CSMD3: variants seen among roughly 807,000 people sequenced by gnomAD.
CSMD3 encodes CUB and sushi domain-containing protein 3.
In CSMD3, 177 loss-of-function variants were observed where a neutral mutation model predicts 435.2. The observed-to-expected ratio is 0.41, with a 90% CI of 0.36 to 0.46. The LOEUF (loss-of-function observed/expected upper bound fraction) is 0.46. CSMD3 is among the 20% of genes least tolerant of loss of function. The pLI is 0.34. For missense variants in CSMD3, 4,265 were observed against 4,504.6 expected (o/e 0.95, Z 1.52); for synonymous variants, 1,656 against 1,520.5 (o/e 1.09, Z -2.07).
chr8:112,953,869 A>G (rs971555463), intron 8 of CSMD3, among the ~76,000 whole-genome samples: 3 of 151,544 alleles, frequency 2.0e-5, no homozygotes, highest in Admixed American at 2.0e-4. Flanking sequence ...AAGTAACAAC[A>G]TGTATGAAAT....
intron 16 of CSMD3, among the ~76,000 whole-genome samples, chr8:112,673,223 G>A (rs905454952): frequency 1.3e-5 from 2 of 151,256 alleles, no homozygotes; most frequent in Admixed American, 6.6e-5. Context: ...TAATCACCAG[G>A]TCTCTCAAAC....
intron 32 of CSMD3, among the ~76,000 whole-genome samples, chr8:112,468,016 A>T (rs955513492): frequency 3.9e-5 from 6 of 152,176 alleles, no homozygotes; most frequent in Non-Finnish European, 8.8e-5. Context: ...CCTCTTTTAC[A>T]GATAATTCCT....
intron 4 of CSMD3, among the ~76,000 whole-genome samples, chr8:113,171,208 C>A (rs1295089304): frequency 6.6e-6 from 1 of 151,902 alleles, no homozygotes; most frequent in Non-Finnish European, 1.5e-5. Flanking sequence ...TTTATGAATG[C>A]TATTACATTA....
At chr8:112,548,601 T>C (rs758535708) in intron 27 of CSMD3, among the ~76,000 whole-genome samples, 4 of 152,150 alleles carry the variant, frequency 2.6e-5, no homozygotes, top group Non-Finnish European at 4.4e-5. Context: ...TAACCATATC[T>C]TATATGGCTT....
At chr8:112,442,882 G>A (rs1815188133) in intron 32 of CSMD3, among the ~76,000 whole-genome samples, 1 of 152,156 alleles carries the variant, frequency 6.6e-6, no homozygotes, top group East Asian at 1.9e-4. Flanking sequence ...CAACAGCCTG[G>A]CCTAAGGGAT....
At chr8:112,539,110 C>T (rs532347106) in intron 27 of CSMD3, 3 of 154,466 alleles carry the variant, frequency 1.9e-5, no homozygotes, top group African/African-American at 7.2e-5. Flanking sequence ...AATTCATCAT[C>T]CTTTTTAGAA....
intron 10 of CSMD3, among the ~76,000 whole-genome samples, chr8:112,911,641 A>ATGTGTG (rs10609412): frequency 3.4e-5 from 5 of 147,020 alleles, no homozygotes; most frequent in African/African-American, 5.0e-5. Flanking sequence ...GTACATATAT[A>ATGTGTG]TGTGTGTGTG....
At chr8:113,421,574 G>C (rs1052999665) in intron 1 of CSMD3, among the ~76,000 whole-genome samples, 2 of 152,020 alleles carry the variant, frequency 1.3e-5, no homozygotes, top group Admixed American at 6.6e-5. Flanking sequence ...CTCAGAAAAC[G>C]ATACCCTGAA....
intron 7 of CSMD3, 100 bp from the exon 8 acceptor site, chr8:112,954,861 G>A: frequency 2.7e-6 from 2 of 748,056 alleles, no homozygotes; most frequent in South Asian, 3.0e-5. Flanking sequence ...GCAAGATAAA[G>A]AAACCACTTT....
At chr8:113,122,565 A>G (rs112214122) in intron 4 of CSMD3, among the ~76,000 whole-genome samples, 2 of 152,240 alleles carry the variant, frequency 1.3e-5, no homozygotes, top group African/African-American at 4.8e-5. Context: ...AATCACATGA[A>G]TCCTTAAATT....
intron 11 of CSMD3, among the ~76,000 whole-genome samples, chr8:112,858,663 C>A (rs1587494829): frequency 6.6e-6 from 1 of 151,826 alleles, no homozygotes. Context: ...GGCAATTCAA[C>A]TTTTTGAAAT....
chr8:112,305,664 A>G (rs553473901), intron 51 of CSMD3, among the ~76,000 whole-genome samples: 111 of 152,274 alleles, frequency 7.3e-4, no homozygotes, highest in African/African-American at 2.6e-3. Context: ...ATATGTCAAA[A>G]TATAATTTTA....
Position 112,271,998 on chromosome 8 carries a change from A to C in CSMD3, c.9509-6408T>G, listed in dbSNP as rs1817571109. ...GTGTGGGAGGGAACTATTAATAGCT[A>C]GGCCCCTTTTTGCTCTTTCACCTTC... On this transcript the variant is annotated intron_variant, in intron 59 of 70. Coordinates refer to ENST00000297405, the MANE Select transcript of CSMD3 (RefSeq NM_198123.2). Among the ~76,000 whole-genome samples the C allele has an allele frequency of 2.0e-5, 3 of 152,290 alleles. No individual in the cohort carries two copies. The South Asian group carries it at 6.2e-4, about 32-fold the overall frequency.
intron 4 of CSMD3, among the ~76,000 whole-genome samples, chr8:113,103,675 ATAT>A (rs1243600520): frequency 6.6e-6 from 1 of 152,034 alleles, no homozygotes; most frequent in Non-Finnish European, 1.5e-5. Flanking sequence ...ATTGTTTAAA[ATAT>A]TATAATATAA....
In CSMD3 at chr8:113,006,371, T is replaced by C. The variant is rs545667191; in HGVS notation, c.1030+12696A>G. Among the ~76,000 whole-genome samples the C allele has an allele frequency of 1.3e-3, 202 of 152,132 alleles. 2 individuals carry two copies. Among genetic ancestry groups the C allele is most frequent in the Admixed American group, 2.2e-3 (34 of 15,230 alleles). Reference sequence around the variant, plus strand: ...TTAAAAGAAGACTGGTGGAAATATTTCGTTTCAGAGAGCCCTTGTAGATTG... The same window carrying C: ...TTAAAAGAAGACTGGTGGAAATATTCCGTTTCAGAGAGCCCTTGTAGATTG... On this transcript the variant is annotated intron_variant, in intron 6 of 70. Coordinates refer to ENST00000297405, the MANE Select transcript of CSMD3 (RefSeq NM_198123.2).
At chr8:112,695,394 T>C (rs775339393) in intron 13 of CSMD3, among the ~76,000 whole-genome samples, 10 of 152,148 alleles carry the variant, frequency 6.6e-5, no homozygotes, top group Non-Finnish European at 1.3e-4. Flanking sequence ...GTTTTAGAGA[T>C]ACTTTTGAAC....
At chr8:112,473,805 G>A (rs1186520917) in intron 31 of CSMD3, among the ~76,000 whole-genome samples, 1 of 149,884 alleles carries the variant, frequency 6.7e-6, no homozygotes, top group Non-Finnish European at 1.5e-5. Context: ...CCTGATTGGT[G>A]AGCCCTGGAC....
In CSMD3 at chr8:112,390,738, C is replaced by T. The variant is rs1830341809; in HGVS notation, c.5860G>A (p.Gly1954Arg). ...TKRKGTILSP[G>R]YPEPYDNNLN... ...TTGTTGTCATAAGGCTCAGGGTATC[C>T]AGGTGACAAAATAGTCCCTTTGCGC... The change falls in exon 36 of 71, where the codon GGA becomes AGA. Residue 1954 changes from glycine to arginine, a missense_variant. Physicochemically the swap from Gly to Arg is moderately radical, Grantham distance 125 (BLOSUM62 -2). Around this residue, in one of 3 missense-constraint regions of CSMD3, gnomAD observed 3,255 missense variants for 3,380.2 expected, o/e 0.96. Transcript: ENST00000297405. 1.2e-6 allele frequency: 2 copies of T among 1,612,884 alleles called. No homozygotes were observed. Among genetic ancestry groups the T allele is most frequent in the Non-Finnish European group, 1.7e-6 (2 of 1,179,014 alleles).
At chr8:112,459,368 G>A (rs1210541003) in intron 32 of CSMD3, among the ~76,000 whole-genome samples, 1 of 128,860 alleles carries the variant, frequency 7.8e-6, no homozygotes, top group African/African-American at 2.7e-5. Context: ...TGGGGGGGGG[G>A]GGTTTATTCA....
Sources: gnomAD v4.1 joint callset for allele counts (sites outside exome capture counted in the v4.1 genomes callset) on GRCh38, gnomAD v4.1.1 for gene constraint, gnomAD v4.1.1 regional missense constraint, MANE v1.5 for transcripts, NCBI Gene and HGNC (gene_info 2026-07-23, HGNC 2026-07-21) for gene names.